Variants in PIGT observed in about 807,000 individuals in gnomAD.
PIGT encodes the protein phosphatidylinositol glycan anchor biosynthesis class T.
Under a neutral mutation model 66.7 loss-of-function variants are expected in PIGT, and 57 were observed. That is an observed-to-expected ratio of 0.86 (90% CI 0.69 to 1.07). The LOEUF (loss-of-function observed/expected upper bound fraction) is 1.07. Ranked by LOEUF, PIGT falls within the 50% of genes least tolerant of loss-of-function variation. The pLI is 0.00. For missense variants in PIGT, 725 were observed against 740.4 expected, an observed-to-expected ratio of 0.98 and a Z score of 0.24; for synonymous variants, 362 against 320.5, an observed-to-expected ratio of 1.13 and a Z score of -1.38.
At chr20:45,418,487 C>G (rs1600805951) in intron 2 of PIGT, 5 of 337,280 alleles carry the variant, frequency 1.5e-5, no homozygotes, top group South Asian at 4.7e-5. Context: ...CGTGACTGCA[C>G]AGAGGAGACT....
Position 45,419,587 on chromosome 20 carries a change from C to T in PIGT, c.678C>T (p.Cys226=). 1 of 1,608,320 alleles carries T rather than the reference C, an allele frequency of 6.2e-7. No individual in the cohort carries two copies. The highest frequency in any genetic ancestry group is 8.5e-7 in the Non-Finnish European group (1 of 1,174,676). ...HSQAVHIRPV[C]RNARCTSISW... is the part of the protein sequence containing the mutation. The stretch of plus-strand genomic sequence containing the variant: ...AGGCAGTGCATATCCGCCCTGTTTG[C>T]AGAGTAAGTCATGGGGAGTAGAGGA... Residue 226 remains cysteine, a synonymous_variant, in exon 5 of 12, where the codon TGC becomes TGT. Coordinates refer to ENST00000279036, the MANE Select transcript of PIGT (RefSeq NM_015937.6).
Position 45,426,189 on chromosome 20 carries a change from CTG to C in PIGT, c.*367_*368del, listed in dbSNP as rs778627796. On this transcript the variant is annotated 3_prime_UTR_variant, in exon 12 of 12. Coordinates refer to ENST00000279036, the MANE Select transcript of PIGT (RefSeq NM_015937.6). ...GGGGTGTGCTACACAGTGTATGTCA[CTG>C]TGTAGTGGATGGAGTTTACTGTTTG... 36 of 267,352 alleles carry C rather than the reference CTG, an allele frequency of 1.3e-4. No individual in the cohort carries two copies. The highest frequency in any genetic ancestry group is 2.0e-4 in the Non-Finnish European group (28 of 139,808). 16.6% of individuals were successfully genotyped at this position (267,352 alleles called of 1,614,324 possible). A position where few individuals can be genotyped will look rare whatever the true frequency, so the allele number is the denominator to read the frequency against.
rs370743585 is a variant in PIGT, at chr20:45,420,302, C to G, written c.770-30C>G. 3.3e-5 allele frequency: 53 copies of G among 1,599,944 alleles called. 1 individual carries two copies. In the Middle Eastern group the frequency reaches 4.9e-4, roughly 15 times the overall value. On this transcript the variant is annotated intron_variant, in intron 6 of 11. Transcript: ENST00000279036. Reference sequence around the variant, plus strand: ...TATGTGGACTAGGCCTAGGCCTGGCCCCTGCTCAGCCCTGCGCTCTGTTTC... The same window carrying G: ...TATGTGGACTAGGCCTAGGCCTGGCGCCTGCTCAGCCCTGCGCTCTGTTTC...
chr20:45,424,604 A>C, intron 11 of PIGT, 25 bp downstream of exon 11: 1 of 1,585,958 alleles, frequency 6.3e-7, no homozygotes, highest in South Asian at 1.1e-5. Flanking sequence ...ACTCACTGAT[A>C]ACACATCCTC....
chr20:45,423,539 C>G (rs1293635760), intron 9 of PIGT: 1 of 151,628 alleles, frequency 6.6e-6, no homozygotes. Flanking sequence ...TTTAAAATTA[C>G]TAGACTATTC....
In PIGT at chr20:45,421,511, A is replaced by G; in HGVS notation, c.1162A>G (p.Thr388Ala). 6.2e-7 allele frequency: 1 copy of G among 1,614,086 alleles called. No individual in the cohort carries two copies. The highest frequency in any genetic ancestry group is 2.2e-5 in the East Asian group (1 of 44,870). The stretch of plus-strand genomic sequence containing the variant: ...GGCCTTCCCGGTGCTGCTGCTGGAC[A>G]CCGTACCCTGGTATCTGCGGCTGTA... ...YRAFPVLLLD[T>A]VPWYLRLYVH... The change falls in exon 9 of 12, where the codon ACC (threonine) becomes GCC (alanine). Residue 388 changes from threonine (T) to alanine (A), a missense_variant. Thr to Ala is a moderately conservative substitution (Grantham distance 58). Around this residue, in one of 3 missense-constraint regions of PIGT, gnomAD observed 559 missense variants for 552.7 expected, o/e 1.01. Transcript: ENST00000279036.
chr20:45,424,299 A>G lies in PIGT; in HGVS notation c.1318A>G (p.Thr440Ala), dbSNP rs1474017988. ...MLIQLPANSVTKVSIQFERAL... is the reference protein window; with the variant it reads ...MLIQLPANSVAKVSIQFERAL... The stretch of plus-strand genomic sequence containing the variant: ...GATTCAGCTGCCGGCCAACTCAGTC[A>G]CCAAGGTTTCCATCCAGTTTGAGCG... The change falls in exon 10 of 12, where the codon ACC (threonine) becomes GCC (alanine). Residue 440 changes from threonine to alanine, a missense_variant. Around this residue, in one of 3 missense-constraint regions of PIGT, gnomAD observed 559 missense variants for 552.7 expected, o/e 1.01. Coordinates refer to ENST00000279036, the MANE Select transcript of PIGT (RefSeq NM_015937.6). The G allele has an allele frequency of 3.1e-6, 5 of 1,614,024 alleles. No homozygotes were observed. The highest frequency in any genetic ancestry group is 1.1e-5 in the South Asian group (1 of 91,084).
At chr20:45,417,902 A>G (rs1285009705) in intron 2 of PIGT, 1 of 152,204 alleles carries the variant, frequency 6.6e-6, no homozygotes, top group Admixed American at 6.5e-5. Flanking sequence ...GTAACTCCCC[A>G]GCTTGCCAAG....
chr20:45,424,378 T>G lies in PIGT; in HGVS notation c.1397T>G (p.Val466Gly), dbSNP rs779478558. Reference sequence around the variant, plus strand: ...CCAGATCCTAACCATGGCTTCTATGTCAGGTGGGCTCCACCCCCACAGGCC... The same window carrying G: ...CCAGATCCTAACCATGGCTTCTATGGCAGGTGGGCTCCACCCCCACAGGCC... ...YTPDPNHGFY[V>G]SPSVLSALVP... The change falls in exon 10 of 12, where the codon GTC becomes GGC. Residue 466 changes from valine to glycine, a missense_variant. By Grantham distance (109) the Val-to-Gly change is moderately radical (BLOSUM62 -3). Transcript: ENST00000279036. 1 of 1,614,080 alleles carries G rather than the reference T, an allele frequency of 6.2e-7. No homozygotes were observed.
intron 3 of PIGT, 120 bp from the exon 4 acceptor site, chr20:45,419,175 G>A (rs928446704): frequency 1.4e-5 from 15 of 1,072,006 alleles, no homozygotes; most frequent in Non-Finnish European, 1.9e-5. Context: ...AGTTGGGACT[G>A]TCCAGACTGT....
intron 11 of PIGT, 35 bp downstream of exon 11, chr20:45,424,614 C>T: frequency 1.9e-6 from 3 of 1,553,372 alleles, no homozygotes; most frequent in Non-Finnish European, 2.7e-6. Flanking sequence ...AACACATCCT[C>T]AGCTGCCTGC....
In PIGT at chr20:45,424,836, A is replaced by T. The variant is rs887930249; in HGVS notation, c.1484+257A>T. The T allele has an allele frequency of 2.9e-4, 153 of 526,198 alleles. 1 individual carries two copies. Among genetic ancestry groups the T allele is most frequent in the Non-Finnish European group, 6.9e-5 (20 of 290,864 alleles). The allele number at this position is 526,198 out of a possible 1,614,324, so 32.6% of individuals were successfully genotyped here. On this transcript the variant is annotated intron_variant, in intron 11 of 11. Coordinates refer to ENST00000279036, the MANE Select transcript of PIGT (RefSeq NM_015937.6). ...ACTTCTTGATGCTCTTAAATATTTAATCAAGCACTTATCAAATGCCAAGTG... is the reference window on the plus strand; with the variant it reads ...ACTTCTTGATGCTCTTAAATATTTATTCAAGCACTTATCAAATGCCAAGTG...
chr20:45,419,283 T>C lies in PIGT; in HGVS notation c.494-12T>C. ...CCAAGGCCCACCCCAGACAGACCTC[T>C]GTCTCCCTCAGACACTGACCACTAC... On this transcript the variant is annotated splice_polypyrimidine_tract_variant and intron_variant, in intron 3 of 11. Transcript: ENST00000279036. 6.2e-7 allele frequency: 1 copy of C among 1,610,992 alleles called. No individual in the cohort carries two copies. The highest frequency in any genetic ancestry group is 1.3e-5 in the African/African-American group (1 of 75,022).
At position 45,424,595 on chromosome 20, in the gene PIGT, C is replaced by T. The variant is rs1437547908; in HGVS notation, c.1484+16C>T. On this transcript the variant is annotated intron_variant, in intron 11 of 11. Transcript: ENST00000279036. ...TCAACAGCCTGTAAGTGTGACCACA[C>T]TCACTGATAACACATCCTCAGCTGC... 3 of 1,604,558 alleles carry T rather than the reference C, an allele frequency of 1.9e-6. No individual in the cohort carries two copies. In the African/African-American group the frequency reaches 4.0e-5, roughly 21 times the overall value.
At chr20:45,417,121 C>T (rs1990031865) in intron 2 of PIGT, 1 of 156,250 alleles carries the variant, frequency 6.4e-6, no homozygotes, top group Non-Finnish European at 1.4e-5. Context: ...GGGGGCAGGT[C>T]TAGTTACTGT....
In PIGT at chr20:45,419,449, C is replaced by T. The variant is rs751482979; in HGVS notation, c.594+54C>T. ...GCGGGGGGTGTATAGAGAACCTGCG[C>T]CCCATGCCAAGTGCTCCATACAGGG... On this transcript the variant is annotated intron_variant, in intron 4 of 11. Transcript: ENST00000279036. The T allele has an allele frequency of 1.6e-5, 26 of 1,607,420 alleles. 1 individual carries two copies. The Middle Eastern group carries it at 1.2e-3, about 71-fold the overall frequency.
At chr20:45,423,360 C>G (rs1160788766) in intron 9 of PIGT, 1 of 151,606 alleles carries the variant, frequency 6.6e-6, no homozygotes, top group Non-Finnish European at 1.5e-5. Context: ...TTTTAATTAG[C>G]TGGGGGTGGT....
chr20:45,421,393 A>G lies in PIGT; in HGVS notation c.1044A>G (p.Pro348=), dbSNP rs1445696958. 6.2e-7 allele frequency: 1 copy of G among 1,613,616 alleles called. No individual in the cohort carries two copies. Among genetic ancestry groups the G allele is most frequent in the East Asian group, 2.2e-5 (1 of 44,866 alleles). The part of the protein sequence containing the change: ...WKRPPENEAP[P]VPFLHAQRYV... ...TATTTCTTTACACAGAGGCCCCCCC[A>G]GTGCCCTTCCTGCATGCCCAGCGGT... Residue 348 remains proline, a synonymous_variant, in exon 9 of 12, where the codon CCA becomes CCG. Coordinates refer to ENST00000279036, the MANE Select transcript of PIGT (RefSeq NM_015937.6).
At position 45,419,503 on chromosome 20, in the gene PIGT, G is replaced by A; in HGVS notation, c.595-1G>A. Reference sequence around the variant, plus strand: ...CTCTTATCTCTTTCCATCTCCTCCAGGCAGGCCTCTCTGTGCTGCTGAAGG... The same window carrying A: ...CTCTTATCTCTTTCCATCTCCTCCAAGCAGGCCTCTCTGTGCTGCTGAAGG... On this transcript the variant is annotated splice_acceptor_variant, in intron 4 of 11. Coordinates refer to ENST00000279036, the MANE Select transcript of PIGT (RefSeq NM_015937.6). LOFTEE classifies it high-confidence loss of function. 6.2e-7 allele frequency: 1 copy of A among 1,614,168 alleles called. No homozygotes were observed. Among genetic ancestry groups the A allele is most frequent in the Non-Finnish European group, 8.5e-7 (1 of 1,180,018 alleles).
Sources: gnomAD v4.1 joint callset for allele counts on GRCh38, gnomAD v4.1.1 for gene constraint, gnomAD v4.1.1 regional missense constraint, MANE v1.5 for transcripts, NCBI Gene and HGNC (gene_info 2026-07-23, HGNC 2026-07-21) for gene names.